Variants in DSP observed in about 807,000 individuals in gnomAD.
DSP encodes the protein desmoplakin.
In DSP, 114 loss-of-function variants were observed where a neutral mutation model predicts 290.6. That is an observed-to-expected ratio of 0.39 (90% CI 0.34 to 0.46). DSP has a LOEUF of 0.46. Ranked by LOEUF, DSP falls within the 20% of genes least tolerant of loss-of-function variation. DSP has a pLI of 0.99. For synonymous variants in DSP, 1,311 were observed against 1,316.4 expected (o/e 1.00, Z 0.09); for missense variants, 3,230 against 3,495.8 (o/e 0.92, Z 1.92).
chr6:7,556,635 A>G (rs898734213), intron 2 of DSP, among the ~76,000 whole-genome samples: 3 of 152,250 alleles, frequency 2.0e-5, no homozygotes, highest in African/African-American at 7.2e-5. Flanking sequence ...TTTTAACCAG[A>G]TGAATTTACG....
In DSP at chr6:7,565,714, T is replaced by A. The variant is rs910514730; in HGVS notation, c.939+194T>A. 1.5e-6 allele frequency: 1 copy of A among 667,792 alleles called. No individual in the cohort carries two copies. The highest frequency in any genetic ancestry group is 1.8e-5 in the African/African-American group (1 of 55,190). The allele number at this position is 667,792 out of a possible 1,614,324, so 41.4% of individuals were successfully genotyped here. On this transcript the variant is annotated intron_variant, in intron 7 of 23. Transcript: ENST00000379802. This position sits in a 1 kb window ranked among gnomAD's most constrained non-coding sequence, Gnocchi z 4.2. ...GAGGCCATTATCCTTAGCAAACTTA[T>A]GCGGGAACAGAAAACCAAATACCAC...
Position 7,568,448 on chromosome 6 carries a change from G to GA in DSP, c.1282dup (p.Ile428AsnfsTer3), listed in dbSNP as rs1561687796. On this transcript the variant is annotated frameshift_variant, in exon 11 of 24. Coordinates refer to ENST00000379802, the MANE Select transcript of DSP (RefSeq NM_004415.4). LOFTEE classifies it high-confidence loss of function. ...ATTCACCATTGCAGAAAGAACGAGA[G>GA]AAAATCCTTGAATACAAGCGTCAGG... 1 of 1,614,092 alleles carries GA rather than the reference G, an allele frequency of 6.2e-7. No individual in the cohort carries two copies. The highest frequency in any genetic ancestry group is 8.5e-7 in the Non-Finnish European group (1 of 1,180,028).
Position 7,571,918 on chromosome 6 carries a change from A to G in DSP, c.1980A>G (p.Glu660=). 6.2e-7 allele frequency: 1 copy of G among 1,614,182 alleles called. No homozygotes were observed. The part of the protein sequence containing the change: ...NHNKVIETNR[E]NDKQETWMLM... The stretch of plus-strand genomic sequence containing the variant: ...ATAAAGTAATTGAAACCAACAGAGA[A>G]AATGACAAGCAAGAAACATGGATGC... Residue 660 remains glutamate, a synonymous_variant, in exon 15 of 24, where the codon GAA becomes GAG. Coordinates refer to ENST00000379802, the MANE Select transcript of DSP (RefSeq NM_004415.4).
intron 1 of DSP, among the ~76,000 whole-genome samples, chr6:7,551,655 T>G (rs544899868): frequency 6.1e-4 from 93 of 151,870 alleles, no homozygotes; most frequent in Admixed American, 9.2e-4. Context: ...GCATGTTTCC[T>G]GAAGCAAGCT....
rs772013607 is a variant in DSP, at chr6:7,555,782, T to C, written c.235T>C (p.Ser79Pro). 1 of 1,614,240 alleles carries C rather than the reference T, an allele frequency of 6.2e-7. No individual in the cohort carries two copies. Among genetic ancestry groups the C allele is most frequent in the Non-Finnish European group, 8.5e-7 (1 of 1,180,046 alleles). ...NTIQELLQNC[S>P]DCLMRAELIV... ...CATCCAGGAGCTGCTGCAGAACTGC[T>C]CCGACTGCTTGATGCGAGCAGAGCT... The change falls in exon 2 of 24, where the codon TCC (serine) becomes CCC (proline). Residue 79 changes from serine to proline, a missense_variant. Physicochemically the swap from Ser to Pro is moderately conservative, Grantham distance 74. Around this residue, in one of 5 missense-constraint regions of DSP, gnomAD observed 646 missense variants for 684.3 expected, o/e 0.94. Coordinates refer to ENST00000379802, the MANE Select transcript of DSP (RefSeq NM_004415.4).
At chr6:7,550,930 T>C (rs1998324) in intron 1 of DSP, among the ~76,000 whole-genome samples, 33,519 of 151,952 alleles carry the variant, frequency 0.22, 3,829 homozygotes, top group East Asian at 0.33. Context: ...CTAACACCCA[T>C]ATGTAGCAGT....
At chr6:7,548,339 A>G (rs751155230) in intron 1 of DSP, among the ~76,000 whole-genome samples, 1 of 152,114 alleles carries the variant, frequency 6.6e-6, no homozygotes, top group Non-Finnish European at 1.5e-5. Flanking sequence ...GCTATCACTA[A>G]GTGAGGTCTC....
At position 7,583,220 on chromosome 6, in the gene DSP, C is replaced by G. The variant is rs577625038; in HGVS notation, c.5958C>G (p.Ile1986Met). ...TGCAGCTCTATGAGTGTCAGCTGAT[C>G]GACAAAACAACCTTGGACAAACTAT... ...TAMQLYECQL[I>M]DKTTLDKLLK... Residue 1986 changes from isoleucine (I) to methionine (M), a missense_variant, in exon 24 of 24, where the codon ATC (isoleucine) becomes ATG (methionine). By Grantham distance (10) the Ile-to-Met change is conservative. This residue lies in a region of DSP where 1,714 missense variants were observed against 1,844.5 expected (regional missense o/e 0.93). Coordinates refer to ENST00000379802, the MANE Select transcript of DSP (RefSeq NM_004415.4). This position sits in a 1 kb window ranked among gnomAD's most constrained non-coding sequence, Gnocchi z 4.0. 2 of 1,614,028 alleles carry G rather than the reference C, an allele frequency of 1.2e-6. No homozygotes were observed. The highest frequency in any genetic ancestry group is 1.1e-5 in the South Asian group (1 of 91,074).
Position 7,571,865 on chromosome 6 carries a change from C to T in DSP, c.1927C>T (p.His643Tyr). 1 of 1,613,328 alleles carries T rather than the reference C, an allele frequency of 6.2e-7. No individual in the cohort carries two copies. The highest frequency in any genetic ancestry group is 8.5e-7 in the Non-Finnish European group (1 of 1,180,026). Residue 643 changes from histidine to tyrosine, a missense_variant, in exon 15 of 24, where the codon CAT (histidine) becomes TAT (tyrosine). His to Tyr is a moderately conservative substitution (Grantham distance 83, BLOSUM62 2). Around this residue, in one of 5 missense-constraint regions of DSP, gnomAD observed 1,714 missense variants for 1,844.5 expected, o/e 0.93. Coordinates refer to ENST00000379802, the MANE Select transcript of DSP (RefSeq NM_004415.4). ...AGTGACCACAACTGAAATCACTCAT[C>T]ATGGAACCTGCCAAGATGTCAACCA... ...QTVTTTEITHHGTCQDVNHNK... is the reference protein window; with the variant it reads ...QTVTTTEITHYGTCQDVNHNK...
intron 13 of DSP, among the ~76,000 whole-genome samples, 156 bp from the exon 14 acceptor site, chr6:7,571,227 A>G (rs1759040277): frequency 6.6e-6 from 1 of 151,990 alleles, no homozygotes; most frequent in African/African-American, 2.4e-5. Context: ...CTTGGGAACA[A>G]TGTCTAAAAC....
In DSP at chr6:7,577,061, G is replaced by A. The variant is rs1167474508; in HGVS notation, c.2877+19G>A. On this transcript the variant is annotated intron_variant, in intron 20 of 23. Coordinates refer to ENST00000379802, the MANE Select transcript of DSP (RefSeq NM_004415.4). Reference sequence around the variant, plus strand: ...AATTAAGGTATGTTGGTTTCATAAAGAATGTTGGTATTTCACCAAGATTAT... The same window carrying A: ...AATTAAGGTATGTTGGTTTCATAAAAAATGTTGGTATTTCACCAAGATTAT... The A allele has an allele frequency of 1.9e-6, 3 of 1,588,354 alleles. No individual in the cohort carries two copies. The highest frequency in any genetic ancestry group is 2.7e-5 in the African/African-American group (2 of 73,980).
intron 1 of DSP, among the ~76,000 whole-genome samples, chr6:7,554,605 T>TA (rs894055614): frequency 2.6e-5 from 4 of 151,918 alleles, no homozygotes; most frequent in Admixed American, 6.6e-5. Flanking sequence ...CCATGATTTT[T>TA]AAAAAAAACA....
chr6:7,568,471 A>C lies in DSP; in HGVS notation c.1301A>C (p.Gln434Pro). Residue 434 changes from glutamine (Q) to proline (P), a missense_variant, in exon 11 of 24, where the codon CAG becomes CCG. Gln to Pro is a moderately conservative substitution (Grantham distance 76, BLOSUM62 -1). Coordinates refer to ENST00000379802, the MANE Select transcript of DSP (RefSeq NM_004415.4). Reference sequence around the variant, plus strand: ...GAGAAAATCCTTGAATACAAGCGTCAGGTGCAGAACTTGGTAAACAAGTCT... The same window carrying C: ...GAGAAAATCCTTGAATACAAGCGTCCGGTGCAGAACTTGGTAAACAAGTCT... ...EREKILEYKR[Q>P]VQNLVNKSKK... 6.2e-7 allele frequency: 1 copy of C among 1,614,168 alleles called. No homozygotes were observed. The highest frequency in any genetic ancestry group is 8.5e-7 in the Non-Finnish European group (1 of 1,180,024).
intron 6 of DSP, among the ~76,000 whole-genome samples, chr6:7,564,110 T>A (rs1381645034): frequency 6.6e-6 from 1 of 152,254 alleles, no homozygotes; most frequent in African/African-American, 2.4e-5. Flanking sequence ...AAAGTTGTTT[T>A]CAGAAGTCAG....
Position 7,576,355 on chromosome 6 carries a change from T to C in DSP, c.2692T>C (p.Phe898Leu). ...LRNYRDNYQA[F>L]CKWLYDAKRR... ...GAATTATCGTGATAACTATCAGGCT[T>C]TCTGCAAGTGGCTCTATGATGCTAA... The change falls in exon 19 of 24, where the codon TTC becomes CTC. Residue 898 changes from phenylalanine to leucine, a missense_variant. Around this residue, in one of 5 missense-constraint regions of DSP, gnomAD observed 1,714 missense variants for 1,844.5 expected, o/e 0.93. Transcript: ENST00000379802. 6.2e-7 allele frequency: 1 copy of C among 1,614,180 alleles called. No individual in the cohort carries two copies. The highest frequency in any genetic ancestry group is 8.5e-7 in the Non-Finnish European group (1 of 1,180,010).
At chr6:7,543,233 C>A (rs984538510) in intron 1 of DSP, among the ~76,000 whole-genome samples, 1 of 151,634 alleles carries the variant, frequency 6.6e-6, no homozygotes, top group Non-Finnish European at 1.5e-5. Flanking sequence ...ACGTTATTTA[C>A]CAGGCGTTGT....
chr6:7,576,158 C>T lies in DSP; in HGVS notation c.2631-136C>T. On this transcript the variant is annotated intron_variant, in intron 18 of 23. Coordinates refer to ENST00000379802, the MANE Select transcript of DSP (RefSeq NM_004415.4). ...CTGTGATAAAAAGTGCTGCTATGAA[C>T]ATTCATGTATAAGTTTTTATGTGGG... is the stretch of plus-strand genomic sequence containing the variant. The T allele has an allele frequency of 4.0e-6, 4 of 990,780 alleles. No homozygotes were observed. In the East Asian group the frequency reaches 1.1e-4, roughly 26 times the overall value. The allele number at this position is 990,780 out of a possible 1,614,324, so 61.4% of individuals were successfully genotyped here.
In DSP at chr6:7,579,716, G is replaced by A; in HGVS notation, c.3526G>A (p.Val1176Ile). The A allele has an allele frequency of 6.2e-7, 1 of 1,613,652 alleles. No homozygotes were observed. Among genetic ancestry groups the A allele is most frequent in the Non-Finnish European group, 8.5e-7 (1 of 1,179,778 alleles). Residue 1176 changes from valine to isoleucine, a missense_variant, in exon 23 of 24, where the codon GTT becomes ATT. Coordinates refer to ENST00000379802, the MANE Select transcript of DSP (RefSeq NM_004415.4). This position sits in a 1 kb window ranked among gnomAD's most constrained non-coding sequence, Gnocchi z 4.1. Reference sequence around the variant, plus strand: ...GGAGTACGAGATTGAAAGGTTGAGGGTTCTACTGCAGGAAGAAGGCACCCG... The same window carrying A: ...GGAGTACGAGATTGAAAGGTTGAGGATTCTACTGCAGGAAGAAGGCACCCG... ...EKEYEIERLR[V>I]LLQEEGTRKR...
chr6:7,581,267 A>G lies in DSP; in HGVS notation c.5077A>G (p.Ser1693Gly). ...TTTCCAGAAGGCGATAGAAGATAAA[A>G]GCAGAAGCTTAAATGAAAGCAAAAT... ...EHFQKAIEDKSRSLNESKIEI... is the reference protein window; with the variant it reads ...EHFQKAIEDKGRSLNESKIEI... The change falls in exon 23 of 24, where the codon AGC becomes GGC. Residue 1693 changes from serine (S) to glycine (G), a missense_variant. Physicochemically the swap from Ser to Gly is moderately conservative, Grantham distance 56 (BLOSUM62 0). Coordinates refer to ENST00000379802, the MANE Select transcript of DSP (RefSeq NM_004415.4). 1 of 1,614,162 alleles carries G rather than the reference A, an allele frequency of 6.2e-7. No homozygotes were observed.
Sources: allele counts gnomAD v4.1 joint callset (sites outside exome capture counted in the v4.1 genomes callset), GRCh38; gene constraint gnomAD v4.1.1; regional missense constraint gnomAD v4.1.1; non-coding constraint Gnocchi (gnomAD v3.1); transcripts MANE v1.5; gene names NCBI Gene and HGNC (gene_info 2026-07-23, HGNC 2026-07-21).